Variants in C4orf51 observed in about 807,000 individuals in gnomAD.
C4orf51 encodes uncharacterized protein C4orf51.
A neutral mutation model predicts 25.2 loss-of-function variants in C4orf51; 25 were observed. The observed-to-expected ratio is 0.99, with a 90% confidence interval of 0.72 to 1.39. The LOEUF is 1.39. Among genes scored for constraint, C4orf51 ranks in the 40% most tolerant of loss-of-function variants. The probability of loss-of-function intolerance (pLI) is 0.00; values close to 1 mark genes in which losing one functional copy is unlikely to be tolerated. For missense variants in C4orf51, 252 were observed against 239.6 expected, an observed-to-expected ratio of 1.05 and a Z score of -0.34; for synonymous variants, 100 against 84.5, an observed-to-expected ratio of 1.18 and a Z score of -1.01.
rs151005596 is a variant in C4orf51, at chr4:145,765,041, G to A, written n.167-5947G>A. Reference sequence around the variant, plus strand: ...ATTTCTTATGCTCCAGCAGCTGTTCGGGGGTCTTCATGAACTTGTGGCACA... The same window carrying A: ...ATTTCTTATGCTCCAGCAGCTGTTCAGGGGTCTTCATGAACTTGTGGCACA... On this transcript the variant is annotated intron_variant and non_coding_transcript_variant, in intron 1 of 1. Transcript: ENST00000510096. The surrounding 1 kb of genome is among the most constrained non-coding windows in gnomAD (Gnocchi z 4.7). 55 of 1,614,158 alleles carry A rather than the reference G, an allele frequency of 3.4e-5. No individual in the cohort carries two copies. The highest frequency in any genetic ancestry group is 3.1e-4 in the African/African-American group (23 of 75,026).
intron 1 of C4orf51, among the ~76,000 whole-genome samples, chr4:145,690,913 G>C (rs1729514232): frequency 2.0e-5 from 3 of 151,992 alleles, no homozygotes; most frequent in African/African-American, 7.2e-5. Context: ...GACCAGCTTG[G>C]GAACATAGGG....
intron 2 of C4orf51, among the ~76,000 whole-genome samples, chr4:145,720,254 C>A (rs1296647831): frequency 2.0e-5 from 3 of 152,082 alleles, no homozygotes; most frequent in Non-Finnish European, 4.4e-5. Context: ...AGACTCACAG[C>A]TCCCCAGCCA....
At chr4:145,686,229 A>G (rs1178550131) in intron 1 of C4orf51, among the ~76,000 whole-genome samples, 1 of 152,196 alleles carries the variant, frequency 6.6e-6, no homozygotes, top group Non-Finnish European at 1.5e-5. Flanking sequence ...AGTAGAATAC[A>G]TGTTACCAGA....
At chr4:145,756,434 G>T (rs896175985), downstream of C4orf51, among the ~76,000 whole-genome samples, 12 of 152,222 alleles carry the variant, frequency 7.9e-5, no homozygotes, top group African/African-American at 2.2e-4. Context: ...TTCCAGAGAA[G>T]TCAAGATGAG....
intron 1 of C4orf51, among the ~76,000 whole-genome samples, chr4:145,693,393 T>C (rs1729744996): frequency 6.6e-6 from 1 of 151,578 alleles, no homozygotes. Flanking sequence ...GGAATTTTTC[T>C]TAGTGTAGAA....
At chr4:145,682,960 T>A (rs1728924100) in intron 1 of C4orf51, among the ~76,000 whole-genome samples, 1 of 151,862 alleles carries the variant, frequency 6.6e-6, no homozygotes, top group Non-Finnish European at 1.5e-5. Context: ...TGTTTGCAGA[T>A]GACATTATCA....
chr4:145,718,155 G>A (rs1731517642), intron 2 of C4orf51, among the ~76,000 whole-genome samples: 1 of 152,198 alleles, frequency 6.6e-6, no homozygotes, highest in Non-Finnish European at 1.5e-5. Flanking sequence ...TTGCAAAAGA[G>A]TGCACTGGTC....
At chr4:145,699,760 G>A (rs562773469) in intron 2 of C4orf51, among the ~76,000 whole-genome samples, 3 of 149,984 alleles carry the variant, frequency 2.0e-5, no homozygotes, top group Non-Finnish European at 4.4e-5. Flanking sequence ...GGGCAAGTAC[G>A]CCAACACCTT....
intron 1 of C4orf51, chr4:145,760,270 G>A (rs1579056342): frequency 6.6e-6 from 1 of 152,372 alleles, no homozygotes; most frequent in South Asian, 2.1e-4. Context: ...GTTCATCGCT[G>A]TTAAAGAAGC....
chr4:145,698,848 G>A lies in C4orf51; in HGVS notation c.307+2216G>A, dbSNP rs141042050. On this transcript the variant is annotated intron_variant, in intron 2 of 5. Transcript: ENST00000438731. ...TGTCAGGCCTCTGAGCCCAAGCCAAGCCATCGCATCCCCTGTGACTTGCAC... is the reference window on the plus strand; with the variant it reads ...TGTCAGGCCTCTGAGCCCAAGCCAAACCATCGCATCCCCTGTGACTTGCAC... Among the ~76,000 whole-genome samples the A allele has an allele frequency of 1.9e-3, 296 of 152,318 alleles. 2 individuals are homozygous for A. The highest frequency in any genetic ancestry group is 4.7e-3 in the Admixed American group (72 of 15,300).
intron 2 of C4orf51, among the ~76,000 whole-genome samples, chr4:145,698,726 G>A (rs1162597255): frequency 6.6e-6 from 1 of 152,158 alleles, no homozygotes; most frequent in Non-Finnish European, 1.5e-5. Context: ...ATTTGAAAAT[G>A]CCCTTGGCCA....
At chr4:145,738,795 A>G (rs529543957) in intron 1 of C4orf51, among the ~76,000 whole-genome samples, 2 of 152,014 alleles carry the variant, frequency 1.3e-5, no homozygotes, top group African/African-American at 4.8e-5. Context: ...GGGCACCACA[A>G]CGCCCGACTA....
chr4:145,767,183 GAAGTT>G (rs893212097), intron 1 of C4orf51, among the ~76,000 whole-genome samples: 11 of 152,318 alleles, frequency 7.2e-5, no homozygotes, highest in African/African-American at 2.4e-4. Context: ...ATATGTTCAA[GAAGTT>G]AAGTAGAGAC....
chr4:145,726,747 A>C (rs1227654980), intron 2 of C4orf51, among the ~76,000 whole-genome samples, 164 bp from the exon 3 acceptor site: 1 of 152,186 alleles, frequency 6.6e-6, no homozygotes, highest in Admixed American at 6.5e-5. Context: ...AGTGTTATAG[A>C]ACAACAAAAC....
At chr4:145,713,119 A>G (rs1236336848) in intron 2 of C4orf51, among the ~76,000 whole-genome samples, 1 of 152,192 alleles carries the variant, frequency 6.6e-6, no homozygotes, top group African/African-American at 2.4e-5. Flanking sequence ...GCACCTGGTC[A>G]CTCAAGAACT....
chr4:145,732,213 G>A (rs1732517108), intron 5 of C4orf51, among the ~76,000 whole-genome samples: 2 of 152,166 alleles, frequency 1.3e-5, no homozygotes, highest in South Asian at 4.1e-4. Context: ...AGTGGGGGCC[G>A]GTTAGGGATT....
chr4:145,727,917 ATATAT>A lies in C4orf51; in HGVS notation c.366+949_366+953del, dbSNP rs1578999012. ...TGTGTATATATATATATATATATAT[ATATAT>A]AAAATATATTATATATATACATTAT... On this transcript the variant is annotated intron_variant, in intron 3 of 5. Transcript: ENST00000438731. Among the ~76,000 whole-genome samples, 21 of 105,980 alleles carry A rather than the reference ATATAT, an allele frequency of 2.0e-4. No individual in the cohort carries two copies. The East Asian group carries it at 2.2e-3, about 11-fold the overall frequency. The allele number at this position is 105,980 out of a possible 152,430, so 69.5% of individuals were successfully genotyped here. A position where few individuals can be genotyped will look rare whatever the true frequency, so the allele number is the denominator to read the frequency against.
chr4:145,696,257 TC>T (rs1396754585), intron 1 of C4orf51, among the ~76,000 whole-genome samples: 1 of 151,982 alleles, frequency 6.6e-6, no homozygotes, highest in African/African-American at 2.4e-5. Context: ...TGAGTCTCCG[TC>T]TCAAAAAAGG....
intron 1 of C4orf51, among the ~76,000 whole-genome samples, chr4:145,769,616 C>A (rs1735936880): frequency 6.6e-6 from 1 of 152,174 alleles, no homozygotes; most frequent in South Asian, 2.1e-4. Context: ...GTCCAAACAG[C>A]CTCTCCTGTT....
Sources: gnomAD v4.1 joint callset for allele counts (sites outside exome capture counted in the v4.1 genomes callset) on GRCh38, gnomAD v4.1.1 for gene constraint, Gnocchi (gnomAD v3.1) non-coding constraint, MANE v1.5 for transcripts, NCBI Gene and HGNC (gene_info 2026-07-23, HGNC 2026-07-21) for gene names.